The following NXPH1 variants were observed in gnomAD, a reference collection of about 807,000 sequenced individuals.
The protein encoded by NXPH1 is neurexophilin 1.
Under a neutral mutation model 23.7 loss-of-function variants are expected in NXPH1, and 5 were observed. The ratio of observed to expected loss-of-function variants is 0.21; its 90% CI spans 0.11 to 0.44. The LOEUF is 0.44. Ranked by LOEUF, NXPH1 falls within the 20% of genes least tolerant of loss-of-function variation. The probability of loss-of-function intolerance (pLI) is 0.99; values close to 1 mark genes in which losing one functional copy is unlikely to be tolerated. For synonymous variants in NXPH1, 144 were observed against 122.2 expected (o/e 1.18, Z -1.18); for missense variants, 324 against 321.6 (o/e 1.01, Z -0.06).
chr7:8,579,476 A>G (rs1210265102), intron 2 of NXPH1, among the ~76,000 whole-genome samples: 2 of 151,692 alleles, frequency 1.3e-5, no homozygotes, highest in Non-Finnish European at 2.9e-5. Flanking sequence ...AGGTTCAAGC[A>G]ATTCTCCTGC....
At chr7:8,703,774 C>G (rs1298217233) in intron 2 of NXPH1, among the ~76,000 whole-genome samples, 1 of 152,090 alleles carries the variant, frequency 6.6e-6, no homozygotes, top group Non-Finnish European at 1.5e-5. Flanking sequence ...CATAGCATCC[C>G]TGAAAGATTT....
intron 2 of NXPH1, among the ~76,000 whole-genome samples, chr7:8,705,825 C>T (rs1423787036): frequency 1.3e-5 from 2 of 152,122 alleles, no homozygotes; most frequent in African/African-American, 4.8e-5. Context: ...TTCTCTCTGC[C>T]ATAATTCAGT....
At position 8,751,858 on chromosome 7, in the gene NXPH1, C is replaced by A; in HGVS notation, c.*89C>A. On this transcript the variant is annotated 3_prime_UTR_variant, in exon 3 of 3. Coordinates refer to ENST00000405863, the MANE Select transcript of NXPH1 (RefSeq NM_152745.3). This position sits in a 1 kb window ranked among gnomAD's most constrained non-coding sequence, Gnocchi z 4.5. ...TCAAAGAAGAAGGTCACATCTGTTG[C>A]CTGGAATGTGTCTACACTGCTGCTC... 7.9e-7 allele frequency: 1 copy of A among 1,258,562 alleles called. No individual in the cohort carries two copies. The highest frequency in any genetic ancestry group is 1.1e-6 in the Non-Finnish European group (1 of 928,160). 78.0% of individuals were successfully genotyped at this position (1,258,562 alleles called of 1,614,324 possible).
chr7:8,453,049 C>T (rs568175984), intron 2 of NXPH1, among the ~76,000 whole-genome samples: 2 of 151,886 alleles, frequency 1.3e-5, no homozygotes, highest in African/African-American at 2.4e-5. Flanking sequence ...TGATAACATA[C>T]CAGAATTTCA....
chr7:8,622,408 C>G (rs1056146907), intron 2 of NXPH1, among the ~76,000 whole-genome samples: 2 of 152,104 alleles, frequency 1.3e-5, no homozygotes, highest in African/African-American at 4.8e-5. Context: ...AATTATAAGT[C>G]TAGTTCTTTC....
At chr7:8,710,211 G>A (rs946419333) in intron 2 of NXPH1, among the ~76,000 whole-genome samples, 1 of 152,180 alleles carries the variant, frequency 6.6e-6, no homozygotes, top group Non-Finnish European at 1.5e-5. Context: ...CCTGCAAGTT[G>A]AGCAGTTTAT....
intron 2 of NXPH1, among the ~76,000 whole-genome samples, chr7:8,509,262 A>C (rs532149564): frequency 4.0e-4 from 61 of 152,222 alleles, no homozygotes; most frequent in African/African-American, 1.4e-3. Context: ...TTCATATTGC[A>C]AGTTATGTAA....
At chr7:8,446,789 G>A (rs977180573) in intron 2 of NXPH1, among the ~76,000 whole-genome samples, 4 of 152,038 alleles carry the variant, frequency 2.6e-5, no homozygotes, top group African/African-American at 9.6e-5. Flanking sequence ...GGGGAATGAA[G>A]CATTTTTTTT....
chr7:8,733,976 C>T (rs1469657114), intron 2 of NXPH1, among the ~76,000 whole-genome samples: 1 of 151,970 alleles, frequency 6.6e-6, no homozygotes, highest in African/African-American at 2.4e-5. Flanking sequence ...AATGGTATTG[C>T]CTAAGTATTC....
At chr7:8,519,245 G>A (rs575893109) in intron 2 of NXPH1, among the ~76,000 whole-genome samples, 18 of 152,068 alleles carry the variant, frequency 1.2e-4, no homozygotes, top group Non-Finnish European at 2.5e-4. Flanking sequence ...TATAAAAAAG[G>A]TATTACATTT....
chr7:8,736,456 T>C (rs1196191952), intron 2 of NXPH1, among the ~76,000 whole-genome samples: 1 of 152,254 alleles, frequency 6.6e-6, no homozygotes, highest in African/African-American at 2.4e-5. Flanking sequence ...AGTTTCTTAA[T>C]CTTGAGTTCT....
intron 2 of NXPH1, among the ~76,000 whole-genome samples, chr7:8,645,599 G>A (rs189344287): frequency 1.3e-3 from 154 of 117,408 alleles, no homozygotes; most frequent in African/African-American, 4.5e-3. Context: ...TATTATAAAT[G>A]TATTATCTCT....
chr7:8,552,123 A>C lies in NXPH1; in HGVS notation c.54+116356A>C, dbSNP rs1202293180. On this transcript the variant is annotated intron_variant, in intron 2 of 2. Transcript: ENST00000405863. ...TCTGCAGAAAAAAAACCAAAAAAAA[A>C]AAAAAAAAAAAAAAAAAAACCACCA... Among the ~76,000 whole-genome samples, 583 of 147,864 alleles carry C rather than the reference A, an allele frequency of 3.9e-3. 14 individuals carry two copies. Among genetic ancestry groups the C allele is most frequent in the East Asian group, 0.033 (168 of 5,070 alleles).
intron 2 of NXPH1, among the ~76,000 whole-genome samples, chr7:8,635,168 T>A (rs1009047373): frequency 6.6e-6 from 1 of 152,144 alleles, no homozygotes; most frequent in African/African-American, 2.4e-5. Flanking sequence ...TGGAAAAAAA[T>A]GCTATGTCAC....
chr7:8,442,431 A>T lies in NXPH1; in HGVS notation c.54+6664A>T, dbSNP rs765757242. ...GCCCTAATGGATTCTGAAGCGAAGGATCCTAGCTGCCGCGGCTAAGGGCGC... is the reference window on the plus strand; with the variant it reads ...GCCCTAATGGATTCTGAAGCGAAGGTTCCTAGCTGCCGCGGCTAAGGGCGC... On this transcript the variant is annotated intron_variant, in intron 2 of 2. Coordinates refer to ENST00000405863, the MANE Select transcript of NXPH1 (RefSeq NM_152745.3). This position sits in a 1 kb window ranked among gnomAD's most constrained non-coding sequence, Gnocchi z 4.6. Among the ~76,000 whole-genome samples, 1 of 152,098 alleles carries T rather than the reference A, an allele frequency of 6.6e-6. No homozygotes were observed. The highest frequency in any genetic ancestry group is 1.5e-5 in the Non-Finnish European group (1 of 68,000).
chr7:8,693,890 AG>A (rs1297577708), intron 2 of NXPH1, among the ~76,000 whole-genome samples: 1 of 152,164 alleles, frequency 6.6e-6, no homozygotes, highest in Non-Finnish European at 1.5e-5. Context: ...TCACTCTAAA[AG>A]TGTCCCAGTT....
intron 2 of NXPH1, among the ~76,000 whole-genome samples, chr7:8,467,307 G>A (rs1040927813): frequency 3.3e-5 from 5 of 152,056 alleles, no homozygotes; most frequent in African/African-American, 9.7e-5. Context: ...GTGAAATGAG[G>A]AGCCACAGAA....
intron 2 of NXPH1, among the ~76,000 whole-genome samples, chr7:8,527,158 A>T (rs1557840): frequency 0.66 from 99,901 of 152,128 alleles, 33,294 homozygotes; most frequent in Non-Finnish European, 0.71. Flanking sequence ...AATAACTGAC[A>T]TTGAGTAGGA....
chr7:8,563,831 G>A (rs1050729472), intron 2 of NXPH1, among the ~76,000 whole-genome samples: 11 of 151,750 alleles, frequency 7.2e-5, no homozygotes, highest in Admixed American at 3.9e-4. Context: ...GTGGTTAACT[G>A]GCTTGCCCAA....
Sources: allele counts gnomAD v4.1 joint callset (sites outside exome capture counted in the v4.1 genomes callset), GRCh38; gene constraint gnomAD v4.1.1; non-coding constraint Gnocchi (gnomAD v3.1); transcripts MANE v1.5; gene names NCBI Gene and HGNC (gene_info 2026-07-23, HGNC 2026-07-21).